The following FTCDNL1 variants were observed in gnomAD, a reference collection of about 807,000 sequenced individuals.
The protein encoded by FTCDNL1 is formiminotransferase cyclodeaminase N-terminal like, also known as formiminotransferase N-terminal subdomain-containing protein.
FTCDNL1 carries 11 observed loss-of-function variants against 5.9 expected under a neutral mutation model. The observed-to-expected ratio is 1.87, with a 90% confidence interval of 1.18 to 3.10. The LOEUF is 3.10. Ranked by LOEUF, FTCDNL1 falls within the 30% of genes most tolerant of loss-of-function variation. The probability of loss-of-function intolerance (pLI) is 0.00; values close to 1 mark genes in which losing one functional copy is unlikely to be tolerated. For synonymous variants in FTCDNL1, 58 were observed against 24.8 expected (o/e 2.34, Z -3.99); for missense variants, 115 against 65.5 (o/e 1.76, Z -2.61).
intron 3 of FTCDNL1, among the ~76,000 whole-genome samples, chr2:199,785,881 T>G (rs1487000672): frequency 1.3e-5 from 2 of 152,304 alleles, no homozygotes; most frequent in East Asian, 3.9e-4. Context: ...ACCAGTTTCG[T>G]GGAAGACAAT....
intron 3 of FTCDNL1, among the ~76,000 whole-genome samples, chr2:199,766,211 G>C (rs1414983634): frequency 6.6e-6 from 1 of 152,216 alleles, no homozygotes; most frequent in African/African-American, 2.4e-5. Flanking sequence ...GTATTAAATT[G>C]TGTGGTTTGA....
intron 3 of FTCDNL1, among the ~76,000 whole-genome samples, chr2:199,787,319 A>G (rs1699706662): frequency 6.6e-6 from 1 of 152,040 alleles, no homozygotes; most frequent in Non-Finnish European, 1.5e-5. Context: ...AGTAGCTGGG[A>G]TAACAGGCGC....
At chr2:199,705,803 T>G in the FTCDNL1 span, among the ~76,000 whole-genome samples, 5 of 152,204 alleles carry the variant, frequency 3.3e-5, no homozygotes, top group African/African-American at 4.8e-5. Context: ...GCACAAAAGA[T>G]GTACTTGGGG....
At chr2:199,752,062 G>A in the FTCDNL1 span, among the ~76,000 whole-genome samples, 4 of 152,014 alleles carry the variant, frequency 2.6e-5, no homozygotes, top group East Asian at 5.8e-4. Flanking sequence ...AGAATGATGC[G>A]CCCAAAGGCA....
At chr2:199,787,824 A>G (rs1432600538) in intron 3 of FTCDNL1, among the ~76,000 whole-genome samples, 2 of 147,846 alleles carry the variant, frequency 1.4e-5, no homozygotes, top group African/African-American at 4.9e-5. Context: ...AAATTCACAG[A>G]TAGTCAATTT....
the FTCDNL1 span, among the ~76,000 whole-genome samples, chr2:199,716,587 C>T: frequency 1.0e-3 from 158 of 152,196 alleles, 1 homozygote; most frequent in Non-Finnish European, 1.2e-3. Context: ...TGTTACCCTG[C>T]CCCACTCCCC....
the FTCDNL1 span, among the ~76,000 whole-genome samples, chr2:199,672,280 G>C: frequency 6.6e-6 from 1 of 152,160 alleles, no homozygotes; most frequent in African/African-American, 2.4e-5. Flanking sequence ...TGACATGAGA[G>C]GGTCTTTGCT....
the FTCDNL1 span, among the ~76,000 whole-genome samples, chr2:199,710,906 A>G: frequency 2.0e-5 from 3 of 152,220 alleles, no homozygotes; most frequent in Admixed American, 6.5e-5. Context: ...ATGACCTTAC[A>G]ATAAGACAAG....
rs553370941 is a variant in FTCDNL1 at position 199,835,888 on chromosome 2, G to A, written c.211+10187C>T. On this transcript the variant is annotated intron_variant, in intron 3 of 4. Transcript: ENST00000420128. ...AAACCCCTCAACTTTGAGGCCCCCT[G>A]GGGCTCCCTTTGTTAGTAAGGGGTG... is the stretch of plus-strand genomic sequence containing the variant. 1.2e-4 allele frequency among the ~76,000 whole-genome samples: 19 copies of A among 152,202 alleles called. No individual in the cohort carries two copies. The East Asian group carries it at 2.5e-3, about 20-fold the overall frequency.
At chr2:199,790,911 T>C (rs1699893120) in intron 3 of FTCDNL1, among the ~76,000 whole-genome samples, 1 of 152,138 alleles carries the variant, frequency 6.6e-6, no homozygotes, top group Non-Finnish European at 1.5e-5. Context: ...TTAAAATATA[T>C]AATATACTCT....
chr2:199,666,910 C>CAAAAAA, the FTCDNL1 span, among the ~76,000 whole-genome samples: 1 of 99,444 alleles, frequency 1.0e-5, no homozygotes, highest in Middle Eastern at 6.0e-3. Flanking sequence ...GAGTCCATCT[C>CAAAAAA]AAAAAAAAAA....
At chr2:199,699,004 C>G in the FTCDNL1 span, among the ~76,000 whole-genome samples, 1 of 152,096 alleles carries the variant, frequency 6.6e-6, no homozygotes, top group African/African-American at 2.4e-5. Flanking sequence ...TGTACACAAA[C>G]TAGAATACCT....
At chr2:199,831,372 A>G (rs1702360740) in intron 3 of FTCDNL1, among the ~76,000 whole-genome samples, 1 of 152,222 alleles carries the variant, frequency 6.6e-6, no homozygotes, top group South Asian at 2.1e-4. Context: ...GGACTATTCA[A>G]GAATGTTCAT....
the FTCDNL1 span, among the ~76,000 whole-genome samples, chr2:199,679,003 T>C: frequency 1.3e-5 from 2 of 152,152 alleles, no homozygotes; most frequent in African/African-American, 4.8e-5. Flanking sequence ...AGTACCAAAC[T>C]ACTTCTCAGA....
intron 1 of FTCDNL1, among the ~76,000 whole-genome samples, 163 bp from the exon 2 acceptor site, chr2:199,849,132 C>G (rs1420779267): frequency 6.6e-6 from 1 of 152,150 alleles, no homozygotes; most frequent in Non-Finnish European, 1.5e-5. Flanking sequence ...TCCAGATTGA[C>G]TAAAATAAGA....
intron 4 of FTCDNL1, among the ~76,000 whole-genome samples, chr2:199,815,773 G>A (rs979586764): frequency 6.6e-6 from 1 of 152,042 alleles, no homozygotes; most frequent in Non-Finnish European, 1.5e-5. Flanking sequence ...AGGCCGAGGT[G>A]GGCAGATCAC....
chr2:199,846,162 G>T lies in FTCDNL1; in HGVS notation c.124C>A (p.His42Asn). ...AALLDKNGKKHPQVSVLNIFS... is the reference protein window; with the variant it reads ...AALLDKNGKKNPQVSVLNIFS... ...ATATTGAGCACTGAAACTTGAGGAT[G>T]TTTCTTTCCTGTAAAAAAAACAAGA... The change falls in exon 3 of 5, where the codon CAT becomes AAT. Residue 42 changes from histidine to asparagine, a missense_variant. His to Asn is a moderately conservative substitution (Grantham distance 68). Transcript: ENST00000420128. 1.4e-6 allele frequency: 1 copy of T among 693,500 alleles called. No homozygotes were observed. The highest frequency in any genetic ancestry group is 2.6e-6 in the Non-Finnish European group (1 of 381,132). The allele number at this position is 693,500 out of a possible 1,614,324, so 43.0% of individuals were successfully genotyped here.
At chr2:199,671,584 C>A in the FTCDNL1 span, among the ~76,000 whole-genome samples, 676 of 152,272 alleles carry the variant, frequency 4.4e-3, 7 homozygotes, top group African/African-American at 0.015. Context: ...AGGCAACTAA[C>A]AAATGCCAGG....
At chr2:199,793,953 G>T (rs1394168182) in intron 3 of FTCDNL1, among the ~76,000 whole-genome samples, 1 of 152,168 alleles carries the variant, frequency 6.6e-6, no homozygotes, top group Non-Finnish European at 1.5e-5. Context: ...GAAAGAGGTG[G>T]CATAAAGAGT....
Sources: allele counts gnomAD v4.1 joint callset (sites outside exome capture counted in the v4.1 genomes callset), GRCh38; gene constraint gnomAD v4.1.1; transcripts MANE v1.5; gene names NCBI Gene and HGNC (gene_info 2026-07-23, HGNC 2026-07-21).